The following ATE1 variants were observed in gnomAD, a reference collection of about 807,000 sequenced individuals.
ATE1 encodes the protein arginyl-tRNA--protein transferase 1.
ATE1 carries 36 observed loss-of-function variants against 70.5 expected under a neutral mutation model. That is an observed-to-expected ratio of 0.51 (90% CI 0.39 to 0.67). The LOEUF (loss-of-function observed/expected upper bound fraction) is 0.67. ATE1 is among the 30% of genes least tolerant of loss of function. The pLI is 0.00. For missense variants in ATE1, 593 were observed against 629.5 expected, an observed-to-expected ratio of 0.94 and a Z score of 0.62; for synonymous variants, 232 against 219.3, an observed-to-expected ratio of 1.06 and a Z score of -0.51.
intron 11 of ATE1, among the ~76,000 whole-genome samples, chr10:121,744,566 A>G (rs1245836311): frequency 6.6e-6 from 1 of 152,146 alleles, no homozygotes. Context: ...TGAAGTTTTA[A>G]TCTCTGCACT....
chr10:121,819,640 G>A (rs1282925055), intron 10 of ATE1, among the ~76,000 whole-genome samples: 1 of 126,452 alleles, frequency 7.9e-6, no homozygotes, highest in Non-Finnish European at 1.6e-5. Flanking sequence ...CTGGGAGACA[G>A]AGCTTGCAGT....
intron 1 of ATE1, 77 bp downstream of exon 1, chr10:121,927,767 G>A (rs77778376): frequency 2.1e-6 from 3 of 1,455,958 alleles, no homozygotes; most frequent in Non-Finnish European, 2.7e-6. Flanking sequence ...CGGCCCCCTC[G>A]CGTCCTCGCT....
intron 7 of ATE1, among the ~76,000 whole-genome samples, chr10:121,885,098 T>C (rs1176772133): frequency 1.3e-5 from 2 of 150,936 alleles, no homozygotes; most frequent in Non-Finnish European, 3.0e-5. Context: ...CTGTCTCTAC[T>C]AAAAATACAA....
chr10:121,855,414 TTTTG>T (rs1949210857), intron 8 of ATE1, among the ~76,000 whole-genome samples: 1 of 152,232 alleles, frequency 6.6e-6, no homozygotes, highest in Non-Finnish European at 1.5e-5. Context: ...TTGTTAGTCC[TTTTG>T]TTTGTCTAAT....
chr10:121,762,093 C>A (rs546746316), intron 11 of ATE1, among the ~76,000 whole-genome samples: 2 of 152,310 alleles, frequency 1.3e-5, no homozygotes, highest in Non-Finnish European at 2.9e-5. Context: ...AAAATGGATA[C>A]GTTTCTGTCT....
intron 8 of ATE1, among the ~76,000 whole-genome samples, chr10:121,859,260 A>ATT (rs1308495218): frequency 1.4e-5 from 2 of 146,370 alleles, no homozygotes; most frequent in East Asian, 2.0e-4. Context: ...ATTTTATTTT[A>ATT]TTTTTTTTTT....
At chr10:121,827,485 G>A (rs541681711) in intron 10 of ATE1, among the ~76,000 whole-genome samples, 7 of 152,180 alleles carry the variant, frequency 4.6e-5, no homozygotes, top group South Asian at 4.1e-4. Context: ...TACCCCTCCC[G>A]CTTCAGCAGG....
intron 8 of ATE1, among the ~76,000 whole-genome samples, chr10:121,841,749 A>G (rs1254247973): frequency 1.3e-5 from 2 of 152,112 alleles, no homozygotes; most frequent in East Asian, 3.9e-4. Flanking sequence ...GACACAATGG[A>G]CTTTGGGGAC....
intron 7 of ATE1, among the ~76,000 whole-genome samples, chr10:121,884,053 C>A (rs1352437055): frequency 5.2e-5 from 7 of 134,854 alleles, no homozygotes; most frequent in Non-Finnish European, 1.1e-4. Flanking sequence ...TTGCAGTGAG[C>A]CGAGATGGCA....
intron 7 of ATE1, among the ~76,000 whole-genome samples, chr10:121,878,598 A>AAAAAG (rs1268796759): frequency 1.3e-5 from 2 of 149,492 alleles, no homozygotes; most frequent in African/African-American, 2.4e-5. Flanking sequence ...GTCTCAAAAA[A>AAAAAG]AAAAGAAAAG....
chr10:121,752,202 A>C (rs1460386567), intron 11 of ATE1, among the ~76,000 whole-genome samples: 1 of 141,776 alleles, frequency 7.1e-6, no homozygotes, highest in Admixed American at 7.4e-5. Flanking sequence ...GTCTCAAAAA[A>C]AAAAAGATTT....
intron 11 of ATE1, among the ~76,000 whole-genome samples, chr10:121,760,841 A>G (rs1564815355): frequency 6.6e-6 from 1 of 152,236 alleles, no homozygotes; most frequent in African/African-American, 2.4e-5. Context: ...GATGCAGTAC[A>G]GTTCTTTGTT....
At chr10:121,923,978 A>AGGG (rs1951981919) in intron 2 of ATE1, among the ~76,000 whole-genome samples, 1 of 152,246 alleles carries the variant, frequency 6.6e-6, no homozygotes, top group African/African-American at 2.4e-5. Context: ...GCTGTTAAAT[A>AGGG]TTAAAAGGTG....
chr10:121,749,720 C>G (rs1944505986), intron 11 of ATE1, among the ~76,000 whole-genome samples: 1 of 152,072 alleles, frequency 6.6e-6, no homozygotes, highest in South Asian at 2.1e-4. Flanking sequence ...TGACGTCAGC[C>G]CCCCATGCAG....
intron 11 of ATE1, among the ~76,000 whole-genome samples, chr10:121,766,308 C>T (rs1945275083): frequency 6.6e-6 from 1 of 152,150 alleles, no homozygotes; most frequent in Admixed American, 6.5e-5. Context: ...ATCGTTTATG[C>T]ATTCCTAACT....
At chr10:121,790,322 T>C (rs779924356) in intron 10 of ATE1, 33 bp from the exon 11 acceptor site, 3 of 1,608,234 alleles carry the variant, frequency 1.9e-6, no homozygotes, top group Non-Finnish European at 2.5e-6. Context: ...GGCACAGGCA[T>C]TATTAACACA....
At chr10:121,840,951 A>G (rs1948605762) in intron 9 of ATE1, 131 bp downstream of exon 9, 1 of 808,130 alleles carries the variant, frequency 1.2e-6, no homozygotes. Flanking sequence ...TCTATGTAAG[A>G]GACTAGCAAC....
At chr10:121,803,498 T>C (rs781016950) in intron 10 of ATE1, among the ~76,000 whole-genome samples, 38 of 152,214 alleles carry the variant, frequency 2.5e-4, no homozygotes, top group Non-Finnish European at 4.7e-4. Flanking sequence ...AACACCTAAA[T>C]TGTGTCAGCA....
At chr10:121,848,190 G>A (rs975844001) in intron 8 of ATE1, among the ~76,000 whole-genome samples, 3 of 152,154 alleles carry the variant, frequency 2.0e-5, no homozygotes, top group Non-Finnish European at 4.4e-5. Context: ...AAACCTACAA[G>A]TCAAAAGCTA....
Sources: allele counts gnomAD v4.1 joint callset (sites outside exome capture counted in the v4.1 genomes callset), GRCh38; gene constraint gnomAD v4.1.1; transcripts MANE v1.5; gene names NCBI Gene and HGNC (gene_info 2026-07-23, HGNC 2026-07-21).